DNAH9: variants seen among roughly 807,000 people sequenced by gnomAD.
DNAH9 encodes the protein DNAH9 variant protein.
DNAH9 carries 345 observed loss-of-function variants against 471.6 expected under a neutral mutation model. That is an observed-to-expected ratio of 0.73 (90% CI 0.67 to 0.80). The LOEUF (loss-of-function observed/expected upper bound fraction) is 0.80, where lower values mean the gene tolerates loss of function less well. Ranked by LOEUF, DNAH9 falls within the 30% of genes least tolerant of loss-of-function variation. The pLI is 0.00. For missense variants in DNAH9, 5,407 were observed against 5,609.2 expected (o/e 0.96, Z 1.15); for synonymous variants, 2,093 against 2,123.6 (o/e 0.99, Z 0.40).
At chr17:11,610,353 T>G in intron 2 of DNAH9, 43 bp from the exon 3 acceptor site, 1 of 1,566,916 alleles carries the variant, frequency 6.4e-7, no homozygotes, top group Non-Finnish European at 8.7e-7. Context: ...CCTCAGGGTT[T>G]TTGTTTTTGT....
intron 17 of DNAH9, among the ~76,000 whole-genome samples, chr17:11,677,134 G>A (rs985800605): frequency 3.3e-5 from 5 of 151,988 alleles, no homozygotes; most frequent in Admixed American, 6.6e-5. Flanking sequence ...AATGTTCTAT[G>A]TATGCCTATT....
At chr17:11,837,132 A>C (rs1181751382) in intron 49 of DNAH9, among the ~76,000 whole-genome samples, 4 of 152,210 alleles carry the variant, frequency 2.6e-5, no homozygotes. Context: ...TTTCCACAAA[A>C]CTGCAAACAA....
At chr17:11,810,685 C>T (rs1183255590) in intron 45 of DNAH9, among the ~76,000 whole-genome samples, 1 of 152,160 alleles carries the variant, frequency 6.6e-6, no homozygotes, top group African/African-American at 2.4e-5. Context: ...GCTGTTCCCT[C>T]TCTGTATCCA....
chr17:11,621,029 T>C (rs2072848569), intron 6 of DNAH9, among the ~76,000 whole-genome samples: 1 of 152,144 alleles, frequency 6.6e-6, no homozygotes, highest in Non-Finnish European at 1.5e-5. Flanking sequence ...ATGTGTTTGC[T>C]GATTGGACTT....
chr17:11,652,308 CAG>C (rs1353666960), intron 13 of DNAH9, among the ~76,000 whole-genome samples: 2 of 85,112 alleles, frequency 2.3e-5, no homozygotes, highest in Middle Eastern at 0.014. Context: ...TTTTTTGAGA[CAG>C]AGTCTCGCTC....
intron 12 of DNAH9, among the ~76,000 whole-genome samples, chr17:11,649,339 G>C (rs1177476432): frequency 6.6e-6 from 1 of 151,920 alleles, no homozygotes; most frequent in Non-Finnish European, 1.5e-5. Flanking sequence ...GATTCTAGGA[G>C]GCATCTTTTT....
At chr17:11,678,552 G>C (rs1047491812) in intron 17 of DNAH9, among the ~76,000 whole-genome samples, 1 of 152,146 alleles carries the variant, frequency 6.6e-6, no homozygotes, top group Non-Finnish European at 1.5e-5. Context: ...CTGTGTCCTG[G>C]CTTCCATTTG....
At chr17:11,775,378 C>CA (rs1211700170) in intron 38 of DNAH9, among the ~76,000 whole-genome samples, 6 of 151,588 alleles carry the variant, frequency 4.0e-5, no homozygotes, top group African/African-American at 1.2e-4. Flanking sequence ...CTGCCAAAAA[C>CA]AAAAAAACAA....
chr17:11,918,902 C>G (rs1170807027), intron 61 of DNAH9, among the ~76,000 whole-genome samples: 2 of 152,138 alleles, frequency 1.3e-5, no homozygotes, highest in African/African-American at 4.8e-5. Flanking sequence ...AGGAGAATCA[C>G]TTGAACCCAG....
intron 36 of DNAH9, among the ~76,000 whole-genome samples, chr17:11,764,925 A>G (rs868580079): frequency 2.0e-5 from 3 of 152,324 alleles, no homozygotes; most frequent in Middle Eastern, 3.4e-3. Flanking sequence ...CTTTTTGTAT[A>G]TCAGTCATAC....
At chr17:11,966,851 A>G (rs1348988366) in intron 68 of DNAH9, among the ~76,000 whole-genome samples, 1 of 151,800 alleles carries the variant, frequency 6.6e-6, no homozygotes, top group Non-Finnish European at 1.5e-5. Context: ...ACTTGAGGTC[A>G]GGAGTTCAAG....
intron 62 of DNAH9, among the ~76,000 whole-genome samples, chr17:11,928,399 C>G (rs915999757): frequency 1.3e-5 from 2 of 152,180 alleles, no homozygotes; most frequent in African/African-American, 4.8e-5. Flanking sequence ...TTACTGTGGT[C>G]CAAGTGCTGG....
intron 14 of DNAH9, among the ~76,000 whole-genome samples, chr17:11,654,612 A>G (rs1276189234): frequency 2.6e-5 from 4 of 152,044 alleles, no homozygotes; most frequent in Admixed American, 2.0e-4. Context: ...GCCACAAGCC[A>G]AAATACTTAT....
At chr17:11,871,847 C>A in intron 52 of DNAH9, 61 bp downstream of exon 52, 1 of 1,560,968 alleles carries the variant, frequency 6.4e-7, no homozygotes, top group South Asian at 1.1e-5. Context: ...GGGAAGACAT[C>A]ACGGTCATAA....
intron 49 of DNAH9, among the ~76,000 whole-genome samples, chr17:11,853,002 G>A (rs1250300225): frequency 6.6e-6 from 1 of 150,644 alleles, no homozygotes; most frequent in Non-Finnish European, 1.5e-5. Flanking sequence ...GTAGGATGTG[G>A]GTCACTTTAG....
intron 57 of DNAH9, among the ~76,000 whole-genome samples, chr17:11,889,100 GAC>G (rs1445434757): frequency 2.2e-4 from 34 of 152,194 alleles, no homozygotes; most frequent in Non-Finnish European, 4.9e-4. Context: ...AGGTTAATAA[GAC>G]ACATTCACAG....
intron 5 of DNAH9, among the ~76,000 whole-genome samples, chr17:11,618,584 CAAA>C (rs55954196): frequency 1.4e-5 from 2 of 139,930 alleles, no homozygotes; most frequent in African/African-American, 2.7e-5. Flanking sequence ...GACTCCATCT[CAAA>C]AAAAAAAAAA....
intron 6 of DNAH9, among the ~76,000 whole-genome samples, chr17:11,620,255 C>A (rs1173639439): frequency 2.0e-5 from 3 of 152,114 alleles, no homozygotes; most frequent in Non-Finnish European, 4.4e-5. Context: ...TGGCTCATGC[C>A]TGTAATCCCA....
At chr17:11,935,595 C>T (rs369830049) in intron 65 of DNAH9, among the ~76,000 whole-genome samples, 17 of 151,292 alleles carry the variant, frequency 1.1e-4, no homozygotes, top group Non-Finnish European at 2.2e-4. Flanking sequence ...AGGCTGGTCT[C>T]GAACTCCTGA....
Sources: allele counts gnomAD v4.1 joint callset (sites outside exome capture counted in the v4.1 genomes callset), GRCh38; gene constraint gnomAD v4.1.1; transcripts MANE v1.5; gene names NCBI Gene and HGNC (gene_info 2026-07-23, HGNC 2026-07-21).